LOC128092252: variants seen among roughly 807,000 people sequenced by gnomAD.
At chr15:50,684,700 C>T in the LOC128092252 span, among the ~76,000 whole-genome samples, 5 of 151,954 alleles carry the variant, frequency 3.3e-5, no homozygotes, top group African/African-American at 9.7e-5. Flanking sequence ...CATGACACTA[C>T]AGGGATGCAT....
At chr15:50,663,955 A>G in the LOC128092252 span, among the ~76,000 whole-genome samples, 3 of 150,078 alleles carry the variant, frequency 2.0e-5, no homozygotes, top group Non-Finnish European at 4.4e-5. Flanking sequence ...AGAGTGAGAG[A>G]CTCTGTCTCA....
the LOC128092252 span, among the ~76,000 whole-genome samples, chr15:50,659,170 A>C: frequency 2.0e-5 from 3 of 150,764 alleles, no homozygotes; most frequent in African/African-American, 7.3e-5. Context: ...ACCAGCCTGG[A>C]TGACAGAGCG....
the LOC128092252 span, among the ~76,000 whole-genome samples, chr15:50,661,193 T>G: frequency 6.6e-6 from 1 of 152,028 alleles, no homozygotes; most frequent in East Asian, 1.9e-4. Flanking sequence ...GCCAGGCTGG[T>G]CTCGAACTCC....
At chr15:50,655,447 A>C in the LOC128092252 span, among the ~76,000 whole-genome samples, 4 of 132,020 alleles carry the variant, frequency 3.0e-5, no homozygotes, top group East Asian at 3.9e-4. Flanking sequence ...GAAAAAAAAA[A>C]CAAAAAAACA....
At chr15:50,686,452 A>T in the LOC128092252 span, 1 of 1,612,058 alleles carries the variant, frequency 6.2e-7, no homozygotes, top group Non-Finnish European at 8.5e-7. Context: ...GGCTCCCCAC[A>T]CACTTGCCTG....
At chr15:50,655,216 AC>A in the LOC128092252 span, among the ~76,000 whole-genome samples, 1 of 151,814 alleles carries the variant, frequency 6.6e-6, no homozygotes, top group East Asian at 1.9e-4. Flanking sequence ...CGGGCGAATC[AC>A]GAGGTCAGGA....
the LOC128092252 span, among the ~76,000 whole-genome samples, chr15:50,659,192 CAAA>C: frequency 4.0e-5 from 4 of 99,194 alleles, no homozygotes; most frequent in Admixed American, 1.2e-4. Flanking sequence ...GACTCCGTCT[CAAA>C]AAAAAAAAAA....
the LOC128092252 span, among the ~76,000 whole-genome samples, chr15:50,664,757 T>A: frequency 6.6e-6 from 1 of 152,034 alleles, no homozygotes; most frequent in Non-Finnish European, 1.5e-5. Context: ...GTCTGTGAGT[T>A]CAAGACCAGC....
chr15:50,676,338 T>C, the LOC128092252 span, among the ~76,000 whole-genome samples: 2 of 152,092 alleles, frequency 1.3e-5, no homozygotes, highest in Admixed American at 6.6e-5. Context: ...TGATTATATA[T>C]ATTAAAATTA....
At chr15:50,651,101 T>C in the LOC128092252 span, among the ~76,000 whole-genome samples, 1 of 152,044 alleles carries the variant, frequency 6.6e-6, no homozygotes, top group Non-Finnish European at 1.5e-5. Context: ...ATGGGAGGAC[T>C]GCTTGAGCCC....
chr15:50,657,374 C>G, the LOC128092252 span, among the ~76,000 whole-genome samples: 12 of 152,094 alleles, frequency 7.9e-5, no homozygotes, highest in African/African-American at 2.9e-4. Context: ...TGTACAATAT[C>G]CTTTTAACAT....
chr15:50,658,513 T>G, the LOC128092252 span, among the ~76,000 whole-genome samples: 1 of 148,540 alleles, frequency 6.7e-6, no homozygotes, highest in African/African-American at 2.5e-5. Flanking sequence ...GAGGCTAAAG[T>G]GAGCCATGAT....
At chr15:50,664,002 T>C in the LOC128092252 span, among the ~76,000 whole-genome samples, 3 of 150,618 alleles carry the variant, frequency 2.0e-5, no homozygotes, top group African/African-American at 7.3e-5. Context: ...AAAAGACAAT[T>C]AGAATTGACA....
the LOC128092252 span, chr15:50,648,864 G>T: frequency 6.2e-7 from 1 of 1,609,302 alleles, no homozygotes; most frequent in South Asian, 1.1e-5. Context: ...CATGTTGCTT[G>T]ACCAAGCGAC....
At chr15:50,674,227 GA>G in the LOC128092252 span, among the ~76,000 whole-genome samples, 1 of 152,186 alleles carries the variant, frequency 6.6e-6, no homozygotes, top group Non-Finnish European at 1.5e-5. Context: ...GACCTCAAGT[GA>G]TCCATCTGCC....
chr15:50,679,536 ATATTTT>A, the LOC128092252 span, among the ~76,000 whole-genome samples: 13,516 of 48,750 alleles, frequency 0.28, 1,087 homozygotes, highest in East Asian at 0.48. Flanking sequence ...ATATATATAT[ATATTTT>A]TTTTTTTTTT....
At chr15:50,686,057 C>G in the LOC128092252 span, among the ~76,000 whole-genome samples, 1 of 152,250 alleles carries the variant, frequency 6.6e-6, no homozygotes, top group Non-Finnish European at 1.5e-5. Flanking sequence ...GTGTCCTCTA[C>G]CCCCTTTTTG....
At chr15:50,664,521 A>G in the LOC128092252 span, among the ~76,000 whole-genome samples, 1 of 152,186 alleles carries the variant, frequency 6.6e-6, no homozygotes, top group East Asian at 1.9e-4. Flanking sequence ...ACAAACGTTA[A>G]ATCTGCCAGA....
the LOC128092252 span, among the ~76,000 whole-genome samples, chr15:50,686,099 T>C: frequency 6.6e-6 from 1 of 152,216 alleles, no homozygotes; most frequent in Non-Finnish European, 1.5e-5. Flanking sequence ...CTTTTTTCCA[T>C]GTAAAACTTG....
Sources: gnomAD v4.1 joint callset for allele counts (sites outside exome capture counted in the v4.1 genomes callset) on GRCh38, gnomAD v4.1.1 for gene constraint, MANE v1.5 for transcripts.